The following ST3GAL2 variants were observed in gnomAD, a reference collection of about 807,000 sequenced individuals.
The protein encoded by ST3GAL2 is ST3 beta-galactoside alpha-2,3-sialyltransferase 2.
A neutral mutation model predicts 37.5 loss-of-function variants in ST3GAL2; 16 were observed. The observed-to-expected ratio is 0.43, with a 90% CI of 0.29 to 0.65. The LOEUF (loss-of-function observed/expected upper bound fraction) is 0.65, where lower values mean the gene tolerates loss of function less well. ST3GAL2 is among the 30% of genes least tolerant of loss of function. The pLI is 0.17. For synonymous variants in ST3GAL2, 238 were observed against 202.9 expected (o/e 1.17, Z -1.47); for missense variants, 383 against 487.8 (o/e 0.79, Z 2.02).
Position 70,398,378 on chromosome 16 carries a change from C to G in ST3GAL2, c.153G>C (p.Val51=). The part of the protein sequence containing the change: ...ALDGTHRVKL[V]PGYAGLQRLS... ...GGCGCTGCAGGCCGGCATAGCCGGG[C>G]ACCAGCTTCACCCGGTGCGTCCCAT... Residue 51 remains valine (V), a synonymous_variant, in exon 2 of 7, where the codon GTG becomes GTC. Coordinates refer to ENST00000342907, the MANE Select transcript of ST3GAL2 (RefSeq NM_006927.4). The G allele has an allele frequency of 6.2e-7, 1 of 1,613,532 alleles. No individual in the cohort carries two copies. The highest frequency in any genetic ancestry group is 8.5e-7 in the Non-Finnish European group (1 of 1,180,010).
chr16:70,380,380 G>C lies in ST3GAL2; in HGVS notation c.*1309C>G, dbSNP rs775099935. On this transcript the variant is annotated 3_prime_UTR_variant, in exon 7 of 7. Transcript: ENST00000342907. ...GAGCATCTGCGCCGTCACTGTTGGG[G>C]AGGGGGCTCTATTAGTGGTTTGAGA... The C allele has an allele frequency of 6.6e-6, 1 of 152,296 alleles. No individual in the cohort carries two copies. The highest frequency in any genetic ancestry group is 2.4e-5 in the African/African-American group (1 of 41,462). 9.4% of individuals were successfully genotyped at this position (152,296 alleles called of 1,614,324 possible).
intron 6 of ST3GAL2, 136 bp from the exon 7 acceptor site, chr16:70,381,998 C>G (rs1157962129): frequency 2.1e-6 from 2 of 947,682 alleles, no homozygotes; most frequent in African/African-American, 1.7e-5. Flanking sequence ...GGCCTAAGGA[C>G]ATGGACTCAC....
Position 70,398,799 on chromosome 16 carries a change from G to A in ST3GAL2, c.-269C>T, listed in dbSNP as rs755071818. On this transcript the variant is annotated 5_prime_UTR_variant, in exon 2 of 7. Coordinates refer to ENST00000342907, the MANE Select transcript of ST3GAL2 (RefSeq NM_006927.4). ...TCTCTCCGTCACTAGCTAGGCCACA[G>A]AGGCTCTGCCTCTCCTGCCACCCTG... 3.5e-6 allele frequency: 2 copies of A among 575,936 alleles called. No homozygotes were observed. The highest frequency in any genetic ancestry group is 1.9e-5 in the African/African-American group (1 of 53,596). The allele number at this position is 575,936 out of a possible 1,614,324, so 35.7% of individuals were successfully genotyped here.
intron 1 of ST3GAL2, among the ~76,000 whole-genome samples, chr16:70,433,146 A>AT (rs1222459801): frequency 2.6e-5 from 4 of 152,186 alleles, no homozygotes; most frequent in African/African-American, 9.7e-5. Context: ...CAGGCACTGA[A>AT]ACTCCAAGCC....
At chr16:70,401,064 T>C (rs1190768173) in intron 1 of ST3GAL2, 1 of 152,266 alleles carries the variant, frequency 6.6e-6, no homozygotes, top group African/African-American at 2.4e-5. Flanking sequence ...ACTCGAGTTC[T>C]TTCAGGGTCC....
At chr16:70,410,808 G>GTTTTTTTTTTTTTTTTTTT (rs35994886) in intron 1 of ST3GAL2, among the ~76,000 whole-genome samples, 2 of 103,216 alleles carry the variant, frequency 1.9e-5, no homozygotes. Flanking sequence ...TTTAGATCCT[G>GTTTTTTTTTTTTTTTTTTT]TTTTTTTTTT....
rs149691360 is a variant in ST3GAL2, at chr16:70,396,463, G to C, written c.340-1288C>G. Among the ~76,000 whole-genome samples the C allele has an allele frequency of 1.5e-4, 23 of 152,248 alleles. No homozygotes were observed. In the East Asian group the frequency reaches 4.4e-3, roughly 29 times the overall value. ...AGAATTCCTATATAAAAATTAGCCA[G>C]GCGTGGTGGCACGTGCCTGTAGTCC... is the stretch of plus-strand genomic sequence containing the variant. On this transcript the variant is annotated intron_variant, in intron 2 of 6. Transcript: ENST00000342907.
chr16:70,422,236 C>G (rs112523097), intron 1 of ST3GAL2, among the ~76,000 whole-genome samples: 17 of 152,198 alleles, frequency 1.1e-4, no homozygotes, highest in South Asian at 4.1e-4. Context: ...ACTGACCTCA[C>G]GCACTCCCTG....
chr16:70,384,703 C>T (rs1305041973), intron 4 of ST3GAL2, among the ~76,000 whole-genome samples: 209 of 91,434 alleles, frequency 2.3e-3, no homozygotes, highest in Non-Finnish European at 3.9e-3. Flanking sequence ...GAAACTCTGT[C>T]TCAAAAAAAA....
At chr16:70,400,467 C>G (rs991045541) in intron 1 of ST3GAL2, 2 of 152,476 alleles carry the variant, frequency 1.3e-5, no homozygotes, top group Admixed American at 6.5e-5. Flanking sequence ...AGCCCCTGGG[C>G]CTCTCAGTGC....
intron 1 of ST3GAL2, among the ~76,000 whole-genome samples, chr16:70,421,646 G>A (rs1466635698): frequency 1.3e-5 from 2 of 152,218 alleles, no homozygotes; most frequent in African/African-American, 2.4e-5. Context: ...ATCAGGGACT[G>A]GGGATGTGAG....
intron 1 of ST3GAL2, among the ~76,000 whole-genome samples, chr16:70,434,145 A>G (rs571095578): frequency 1.3e-5 from 2 of 152,310 alleles, no homozygotes; most frequent in South Asian, 4.1e-4. Flanking sequence ...CAGCTCAAAA[A>G]GACTCAGACT....
Position 70,379,890 on chromosome 16 carries a change from T to G in ST3GAL2, c.*1799A>C, listed in dbSNP as rs2047383616. The stretch of plus-strand genomic sequence containing the variant: ...TAAGTATTAAGTAATCCGCCCGCCT[T>G]GGCCTCCCAAAGTGCTGGGATGACA... On this transcript the variant is annotated 3_prime_UTR_variant, in exon 7 of 7. Coordinates refer to ENST00000342907, the MANE Select transcript of ST3GAL2 (RefSeq NM_006927.4). 6.6e-6 allele frequency: 1 copy of G among 152,094 alleles called. No homozygotes were observed. The highest frequency in any genetic ancestry group is 6.6e-5 in the Admixed American group (1 of 15,246). The allele number at this position is 152,094 out of a possible 1,614,324, so 9.4% of individuals were successfully genotyped here.
intron 1 of ST3GAL2, among the ~76,000 whole-genome samples, chr16:70,403,684 G>A (rs776667938): frequency 6.6e-6 from 1 of 152,108 alleles, no homozygotes; most frequent in South Asian, 2.1e-4. Flanking sequence ...GTGGTGGTGG[G>A]TGCCTGTAAT....
intron 1 of ST3GAL2, among the ~76,000 whole-genome samples, chr16:70,413,560 C>CAAAAAAAAAAA (rs978301918): frequency 6.2e-5 from 2 of 32,086 alleles, no homozygotes; most frequent in African/African-American, 1.1e-4. Context: ...ATCAAAAATA[C>CAAAAAAAAAAA]AAAAAAAAAA....
At position 70,376,589 on chromosome 16, in the gene ST3GAL2, G is replaced by C. The variant is rs991999713; in HGVS notation, c.*5100C>G. 2.0e-5 allele frequency: 3 copies of C among 152,184 alleles called. No individual in the cohort carries two copies. The highest frequency in any genetic ancestry group is 2.9e-5 in the Non-Finnish European group (2 of 68,042). 9.4% of individuals were successfully genotyped at this position (152,184 alleles called of 1,614,324 possible). On this transcript the variant is annotated 3_prime_UTR_variant, in exon 7 of 7. Coordinates refer to ENST00000342907, the MANE Select transcript of ST3GAL2 (RefSeq NM_006927.4). Reference sequence around the variant, plus strand: ...AGGAGCTGTGATTTTTTTCACAAAAGTAGTGAGAAGGGGCATTGATTCCTA... The same window carrying C: ...AGGAGCTGTGATTTTTTTCACAAAACTAGTGAGAAGGGGCATTGATTCCTA...
intron 1 of ST3GAL2, among the ~76,000 whole-genome samples, chr16:70,411,347 A>G (rs535610899): frequency 2.0e-5 from 3 of 151,678 alleles, no homozygotes; most frequent in Admixed American, 6.6e-5. Context: ...CGGAGATCAC[A>G]CCTTCCAGCC....
rs990065681 is a variant in ST3GAL2 at position 70,378,218 on chromosome 16, G to C, written c.*3471C>G. ...ACCTGTGGTCAGGAGTTCGAGACCA[G>C]CCTGGCCAACATGGTGAAACCCCGT... On this transcript the variant is annotated 3_prime_UTR_variant, in exon 7 of 7. Coordinates refer to ENST00000342907, the MANE Select transcript of ST3GAL2 (RefSeq NM_006927.4). The C allele has an allele frequency of 6.6e-6, 1 of 152,050 alleles. No individual in the cohort carries two copies. Among genetic ancestry groups the C allele is most frequent in the African/African-American group, 2.4e-5 (1 of 41,386 alleles). 9.4% of individuals were successfully genotyped at this position (152,050 alleles called of 1,614,324 possible).
intron 1 of ST3GAL2, among the ~76,000 whole-genome samples, chr16:70,416,255 A>G (rs529363380): frequency 6.6e-6 from 1 of 152,318 alleles, no homozygotes; most frequent in South Asian, 2.1e-4. Flanking sequence ...AGCGAGGTCA[A>G]GATCTTAACA....
Sources: allele counts gnomAD v4.1 joint callset (sites outside exome capture counted in the v4.1 genomes callset), GRCh38; gene constraint gnomAD v4.1.1; transcripts MANE v1.5; gene names NCBI Gene and HGNC (gene_info 2026-07-23, HGNC 2026-07-21).